The following HS3ST4 variants were observed in gnomAD, a reference collection of about 807,000 sequenced individuals.
HS3ST4 encodes heparan sulfate-glucosamine 3-sulfotransferase 4, also known as heparan sulfate glucosamine 3-O-sulfotransferase 4.
A neutral mutation model predicts 29.2 loss-of-function variants in HS3ST4; 17 were observed. The ratio of observed to expected loss-of-function variants is 0.58; its 90% CI spans 0.40 to 0.87. HS3ST4 has a LOEUF of 0.87. Among genes scored for constraint, HS3ST4 ranks in the 40% least tolerant of loss-of-function variants. The pLI is 0.00. For synonymous variants in HS3ST4, 314 were observed against 285.7 expected (o/e 1.10, Z -1.00); for missense variants, 627 against 634.5 (o/e 0.99, Z 0.13).
chr16:25,692,698 C>A lies in HS3ST4; in HGVS notation c.281C>A (p.Pro94His). Residue 94 changes from proline (P) to histidine (H), a missense_variant, in exon 1 of 2, where the codon CCC becomes CAC. By Grantham distance (77) the Pro-to-His change is moderately conservative. Around this residue, in one of 2 missense-constraint regions of HS3ST4, gnomAD observed 402 missense variants for 340.8 expected, o/e 1.18. Transcript: ENST00000331351. ...LLPTPVRLGA[P>H]SQPPAPPPLD... ...CCTACCCCCGTGCGCCTCGGCGCCCCCTCGCAGCCGCCCGCGCCGCCGCCG... is the reference window on the plus strand; with the variant it reads ...CCTACCCCCGTGCGCCTCGGCGCCCACTCGCAGCCGCCCGCGCCGCCGCCG... The A allele has an allele frequency of 2.4e-6, 3 of 1,230,862 alleles. No homozygotes were observed. Among genetic ancestry groups the A allele is most frequent in the South Asian group, 6.9e-5 (2 of 29,096 alleles). The allele number at this position is 1,230,862 out of a possible 1,614,324, so 76.2% of individuals were successfully genotyped here.
intron 1 of HS3ST4, among the ~76,000 whole-genome samples, chr16:26,127,069 A>C (rs1262698557): frequency 6.6e-6 from 1 of 152,046 alleles, no homozygotes; most frequent in African/African-American, 2.4e-5. Flanking sequence ...TGTCTTCCAG[A>C]TGAGTCTCTG....
intron 1 of HS3ST4, among the ~76,000 whole-genome samples, chr16:26,128,784 C>G (rs6497928): frequency 6.6e-6 from 1 of 151,976 alleles, no homozygotes; most frequent in Admixed American, 6.6e-5. Flanking sequence ...TAGGATAATA[C>G]GTGAAATTGC....
chr16:25,945,258 A>G (rs1968613748), intron 1 of HS3ST4, among the ~76,000 whole-genome samples: 1 of 152,202 alleles, frequency 6.6e-6, no homozygotes, highest in Non-Finnish European at 1.5e-5. Context: ...AAATTATAAC[A>G]TACTGGCCAT....
At chr16:25,897,360 GA>G (rs1368887135) in intron 1 of HS3ST4, among the ~76,000 whole-genome samples, 21 of 152,068 alleles carry the variant, frequency 1.4e-4, no homozygotes, top group African/African-American at 4.8e-4. Context: ...GCTGAGGAGG[GA>G]GGATCACTTG....
chr16:25,875,952 G>A (rs1470735882), intron 1 of HS3ST4, among the ~76,000 whole-genome samples: 2 of 152,124 alleles, frequency 1.3e-5, no homozygotes, highest in South Asian at 4.1e-4. Flanking sequence ...CTCAGGCAAG[G>A]CTGCTTCTCT....
intron 1 of HS3ST4, among the ~76,000 whole-genome samples, chr16:25,958,926 A>C (rs1968764975): frequency 6.6e-6 from 1 of 152,220 alleles, no homozygotes; most frequent in Admixed American, 6.5e-5. Flanking sequence ...GACATCCCAG[A>C]ATGTCACGTT....
chr16:26,072,398 A>G (rs1358905785), intron 1 of HS3ST4, among the ~76,000 whole-genome samples: 2 of 152,186 alleles, frequency 1.3e-5, no homozygotes, highest in Non-Finnish European at 1.5e-5. Flanking sequence ...GGTGTGGGAC[A>G]CGGAGCATCA....
intron 1 of HS3ST4, among the ~76,000 whole-genome samples, chr16:25,895,934 G>T (rs1351985106): frequency 1.3e-5 from 2 of 152,156 alleles, no homozygotes; most frequent in African/African-American, 4.8e-5. Context: ...TGGACAAGGG[G>T]ACAGAAGGCT....
chr16:25,957,092 C>T (rs1320895363), intron 1 of HS3ST4, among the ~76,000 whole-genome samples: 1 of 151,080 alleles, frequency 6.6e-6, no homozygotes. Context: ...GAGAGACGAT[C>T]AGAGCCCAAA....
chr16:25,785,275 G>C, intron 1 of HS3ST4, among the ~76,000 whole-genome samples: 1 of 152,184 alleles, frequency 6.6e-6, no homozygotes, highest in Admixed American at 6.5e-5. Flanking sequence ...TGCAGCCCAT[G>C]GATAGAGGAG....
intron 1 of HS3ST4, among the ~76,000 whole-genome samples, chr16:25,774,132 T>C (rs1966845383): frequency 6.6e-6 from 1 of 152,164 alleles, no homozygotes; most frequent in African/African-American, 2.4e-5. Flanking sequence ...AAGTAAGAGA[T>C]AGTGTGATTG....
chr16:25,890,574 AG>A (rs1435502379), intron 1 of HS3ST4, among the ~76,000 whole-genome samples: 3 of 152,320 alleles, frequency 2.0e-5, no homozygotes, highest in East Asian at 3.9e-4. Flanking sequence ...CTGGGACATC[AG>A]GTACACTTTT....
At chr16:26,023,687 A>G (rs1969438172) in intron 1 of HS3ST4, among the ~76,000 whole-genome samples, 1 of 152,190 alleles carries the variant, frequency 6.6e-6, no homozygotes, top group African/African-American at 2.4e-5. Flanking sequence ...ATTTATAGAC[A>G]TGAGCCATCC....
At chr16:25,854,538 G>T (rs901521262) in intron 1 of HS3ST4, among the ~76,000 whole-genome samples, 2 of 152,088 alleles carry the variant, frequency 1.3e-5, no homozygotes, top group Non-Finnish European at 2.9e-5. Flanking sequence ...ATCTCATCCT[G>T]TGACTTAGAA....
intron 1 of HS3ST4, among the ~76,000 whole-genome samples, chr16:25,914,034 GTGTA>G (rs963778385): frequency 4.7e-5 from 7 of 149,382 alleles, no homozygotes; most frequent in South Asian, 2.1e-4. Context: ...GAGGGAGCAT[GTGTA>G]TGTGTGTGTG....
rs375357505 is a variant in HS3ST4 at position 26,078,132 on chromosome 16, C to A, written c.735-57480C>A. Among the ~76,000 whole-genome samples the A allele has an allele frequency of 2.0e-5, 3 of 152,114 alleles. No individual in the cohort carries two copies. In the South Asian group the frequency reaches 6.2e-4, roughly 32 times the overall value. On this transcript the variant is annotated intron_variant, in intron 1 of 1. Coordinates refer to ENST00000331351, the MANE Select transcript of HS3ST4 (RefSeq NM_006040.3). ...GGCTGGGATGTGAAAGCTGTTTGTG[C>A]TTTATTTTATTTATTTATTTATTTT... is the stretch of plus-strand genomic sequence containing the variant.
At chr16:25,828,645 A>T (rs531120651) in intron 1 of HS3ST4, among the ~76,000 whole-genome samples, 2 of 152,020 alleles carry the variant, frequency 1.3e-5, no homozygotes, top group Non-Finnish European at 2.9e-5. Context: ...CTGGCCCCCG[A>T]TAAGTAGTTT....
At chr16:25,699,188 C>T (rs1382913548) in intron 1 of HS3ST4, among the ~76,000 whole-genome samples, 1 of 152,214 alleles carries the variant, frequency 6.6e-6, no homozygotes, top group Non-Finnish European at 1.5e-5. Context: ...AAACAACGGA[C>T]ATGCCCATAC....
intron 1 of HS3ST4, among the ~76,000 whole-genome samples, chr16:26,057,277 A>G (rs1898420812): frequency 6.6e-6 from 1 of 152,186 alleles, no homozygotes; most frequent in African/African-American, 2.4e-5. Flanking sequence ...AAGCTTATCC[A>G]AGATTCTCTG....
Sources: gnomAD v4.1 joint callset for allele counts (sites outside exome capture counted in the v4.1 genomes callset) on GRCh38, gnomAD v4.1.1 for gene constraint, gnomAD v4.1.1 regional missense constraint, MANE v1.5 for transcripts, NCBI Gene and HGNC (gene_info 2026-07-23, HGNC 2026-07-21) for gene names.